Variants in ZC3H12B observed in about 807,000 individuals in gnomAD.
The protein encoded by ZC3H12B is zinc finger CCCH-type containing 12B.
A neutral mutation model predicts 43.9 loss-of-function variants in ZC3H12B; 7 were observed. The observed-to-expected ratio is 0.16, with a 90% CI of 0.09 to 0.30. ZC3H12B has a LOEUF of 0.30. ZC3H12B is among the 10% of genes least tolerant of loss of function. ZC3H12B has a pLI of 1.00. For missense variants in ZC3H12B, 475 were observed against 670.2 expected (o/e 0.71, Z 3.22); for synonymous variants, 222 against 241.7 (o/e 0.92, Z 0.76).
chrX:65,221,679 C>A, the ZC3H12B span, among the ~76,000 whole-genome samples: 2 of 109,070 alleles, frequency 1.8e-5, no homozygotes, highest in African/African-American at 3.3e-5. Flanking sequence ...TAACAAGGAG[C>A]AAGATTGAAA....
intron 3 of ZC3H12B, among the ~76,000 whole-genome samples, chrX:65,471,626 T>C (rs1349156003): frequency 9.2e-6 from 1 of 108,934 alleles, no homozygotes; most frequent in Non-Finnish European, 1.9e-5. Flanking sequence ...AGTTTTTATA[T>C]TTTTAGTAGA....
In ZC3H12B at chrX:65,433,352, T is replaced by A. The variant is rs750136703; in HGVS notation, n.407+34648T>A. On this transcript the variant is annotated intron_variant and non_coding_transcript_variant, in intron 3 of 5. Transcript: ENST00000617377. ...ATACCACCTGAAATCCAGTAGTGCT[T>A]TTGGTTTACTATTATCATGGGTAGA... 2.7e-5 allele frequency among the ~76,000 whole-genome samples: 3 copies of A among 112,129 alleles called. 1 individual carries two copies. In the East Asian group the frequency reaches 8.4e-4, roughly 31 times the overall value.
the ZC3H12B span, among the ~76,000 whole-genome samples, chrX:65,038,532 T>G: frequency 9.0e-6 from 1 of 111,687 alleles, no homozygotes; most frequent in Non-Finnish European, 1.9e-5. Context: ...TAAGTAACTA[T>G]TGTACATTTC....
At chrX:65,166,447 A>T in the ZC3H12B span, among the ~76,000 whole-genome samples, 2 of 111,852 alleles carry the variant, frequency 1.8e-5, no homozygotes, top group African/African-American at 3.3e-5. Flanking sequence ...TCTATCATTG[A>T]TGGACATTTG....
At chrX:65,267,220 T>C in the ZC3H12B span, among the ~76,000 whole-genome samples, 1 of 108,511 alleles carries the variant, frequency 9.2e-6, no homozygotes, top group African/African-American at 3.4e-5. Context: ...TTTTTGGCTT[T>C]AGTTGTTTAA....
At chrX:65,126,877 C>A in the ZC3H12B span, among the ~76,000 whole-genome samples, 2 of 108,574 alleles carry the variant, frequency 1.8e-5, no homozygotes, top group Admixed American at 1.0e-4. Flanking sequence ...TTTATGATAT[C>A]TATTTCACTG....
At chrX:65,307,273 T>C in the ZC3H12B span, among the ~76,000 whole-genome samples, 3 of 112,061 alleles carry the variant, frequency 2.7e-5, no homozygotes, top group Non-Finnish European at 3.8e-5. Context: ...AGTCAAAAAT[T>C]ACTATAACTC....
At chrX:65,196,080 C>T in the ZC3H12B span, among the ~76,000 whole-genome samples, 2 of 111,034 alleles carry the variant, frequency 1.8e-5, no homozygotes, top group East Asian at 2.9e-4. Context: ...GCGGACTTTA[C>T]TCATCCGTCG....
intron 3 of ZC3H12B, among the ~76,000 whole-genome samples, chrX:65,454,423 G>A (rs1252947560): frequency 1.8e-5 from 2 of 112,222 alleles, no homozygotes; most frequent in Non-Finnish European, 3.8e-5. Flanking sequence ...GCGGCAGTGA[G>A]GCAGGGGGAG....
At chrX:65,151,268 G>C in the ZC3H12B span, among the ~76,000 whole-genome samples, 14 of 111,558 alleles carry the variant, frequency 1.3e-4, no homozygotes, top group African/African-American at 4.6e-4. Flanking sequence ...CAAAATCTTA[G>C]TGCAATTTAA....
At chrX:65,372,509 G>GAAGT (rs766695138) in intron 2 of ZC3H12B, among the ~76,000 whole-genome samples, 1 of 91,882 alleles carries the variant, frequency 1.1e-5, no homozygotes, top group Non-Finnish European at 2.2e-5. Flanking sequence ...GGAAAGGAAG[G>GAAGT]AAGGAAGGAA....
chrX:65,424,501 T>A (rs1405073151), intron 3 of ZC3H12B, among the ~76,000 whole-genome samples: 2 of 112,616 alleles, frequency 1.8e-5, no homozygotes, highest in African/African-American at 6.4e-5. Context: ...TTTGCTTTTG[T>A]TGCAATTGCT....
the ZC3H12B span, among the ~76,000 whole-genome samples, chrX:65,120,387 G>A: frequency 1.8e-5 from 2 of 111,255 alleles, no homozygotes; most frequent in Admixed American, 1.9e-4. Flanking sequence ...GGATTCCTAG[G>A]TATTTTATTC....
At chrX:65,388,988 T>A (rs779732615) in intron 2 of ZC3H12B, among the ~76,000 whole-genome samples, 2 of 111,911 alleles carry the variant, frequency 1.8e-5, no homozygotes, top group South Asian at 7.5e-4. Context: ...GCCTGATCGT[T>A]CCTCTGGAAG....
intron 3 of ZC3H12B, among the ~76,000 whole-genome samples, chrX:65,458,505 C>T (rs1378982114): frequency 8.9e-6 from 1 of 112,014 alleles, no homozygotes; most frequent in Non-Finnish European, 1.9e-5. Flanking sequence ...TCACAACAAA[C>T]TGTCTCTCAG....
the ZC3H12B span, among the ~76,000 whole-genome samples, chrX:65,307,544 C>A: frequency 9.0e-6 from 1 of 111,668 alleles, no homozygotes; most frequent in East Asian, 2.8e-4. Flanking sequence ...TGAAAATAAA[C>A]AACCAGTTAA....
chrX:65,158,277 G>T, the ZC3H12B span, among the ~76,000 whole-genome samples: 3 of 110,960 alleles, frequency 2.7e-5, no homozygotes, highest in Non-Finnish European at 5.7e-5. Flanking sequence ...CAGTTCTTTG[G>T]GTATATAGCC....
At chrX:65,171,843 A>C in the ZC3H12B span, among the ~76,000 whole-genome samples, 7 of 111,212 alleles carry the variant, frequency 6.3e-5, no homozygotes, top group South Asian at 1.2e-3. Flanking sequence ...CTCCGAGACA[A>C]GTGTGGGATA....
chrX:65,093,812 T>A, the ZC3H12B span, among the ~76,000 whole-genome samples: 1 of 111,938 alleles, frequency 8.9e-6, no homozygotes, highest in Non-Finnish European at 1.9e-5. Flanking sequence ...TTTGGACTTT[T>A]GAGTTAATGC....
Sources: allele counts gnomAD v4.1 joint callset (sites outside exome capture counted in the v4.1 genomes callset), GRCh38; gene constraint gnomAD v4.1.1; transcripts MANE v1.5; gene names NCBI Gene and HGNC (gene_info 2026-07-23, HGNC 2026-07-21).